The following LEKR1 variants were observed in gnomAD, a reference collection of about 807,000 sequenced individuals.
The protein encoded by LEKR1 is protein LEKR1.
In LEKR1, 59 loss-of-function variants were observed where a neutral mutation model predicts 72.4. The ratio of observed to expected loss-of-function variants is 0.82; its 90% CI spans 0.66 to 1.01. The LOEUF is 1.01. Among genes scored for constraint, LEKR1 ranks in the 50% least tolerant of loss-of-function variants. The probability of loss-of-function intolerance (pLI) is 0.00; values close to 1 mark genes in which losing one functional copy is unlikely to be tolerated. For missense variants in LEKR1, 728 were observed against 759.2 expected (o/e 0.96, Z 0.48); for synonymous variants, 257 against 263.2 (o/e 0.98, Z 0.23).
chr3:156,930,587 G>C (rs1424638472), intron 5 of LEKR1, among the ~76,000 whole-genome samples: 2 of 152,022 alleles, frequency 1.3e-5, no homozygotes, highest in Non-Finnish European at 1.5e-5. Context: ...ACAGAAACAT[G>C]TAGCTAAAAA....
chr3:156,876,445 G>T (rs1219644361), intron 3 of LEKR1, among the ~76,000 whole-genome samples: 1 of 152,050 alleles, frequency 6.6e-6, no homozygotes, highest in Non-Finnish European at 1.5e-5. Flanking sequence ...TCACAATATT[G>T]ATTCATCCAT....
intron 5 of LEKR1, among the ~76,000 whole-genome samples, chr3:156,941,438 T>A (rs904294618): frequency 1.1e-4 from 16 of 152,104 alleles, no homozygotes; most frequent in African/African-American, 3.9e-4. Context: ...TTACTTCTCC[T>A]ATAACCATTT....
intron 7 of LEKR1, chr3:156,988,202 C>A: frequency 5.1e-6 from 1 of 197,068 alleles, no homozygotes; most frequent in South Asian, 1.1e-4. Context: ...GCCTGCTTCT[C>A]AAAGCGCTGC....
intron 2 of LEKR1, among the ~76,000 whole-genome samples, chr3:156,841,485 G>A (rs1713898242): frequency 1.3e-5 from 2 of 152,220 alleles, no homozygotes; most frequent in Admixed American, 1.3e-4. Context: ...CATCCAGGCA[G>A]TACAGAGAAG....
chr3:157,015,054 A>C (rs1212552431), intron 10 of LEKR1, among the ~76,000 whole-genome samples: 1 of 152,226 alleles, frequency 6.6e-6, no homozygotes, highest in Non-Finnish European at 1.5e-5. Context: ...AGGCAATGAA[A>C]GACAGTGATT....
chr3:156,833,396 C>T (rs79306585), intron 2 of LEKR1, among the ~76,000 whole-genome samples: 1 of 152,270 alleles, frequency 6.6e-6, no homozygotes, highest in East Asian at 1.9e-4. Flanking sequence ...CTGTGGATGA[C>T]AAGAGGCTTA....
intron 10 of LEKR1, among the ~76,000 whole-genome samples, chr3:157,020,655 C>T (rs1733758362): frequency 6.6e-6 from 1 of 151,676 alleles, no homozygotes; most frequent in African/African-American, 2.4e-5. Flanking sequence ...ATATGTGCCA[C>T]ATTTTCTTAA....
chr3:157,031,318 A>G (rs759651899), intron 12 of LEKR1, among the ~76,000 whole-genome samples: 3 of 152,156 alleles, frequency 2.0e-5, no homozygotes, highest in Admixed American at 1.3e-4. Context: ...ATAAATGATC[A>G]CAGATCATTG....
intron 12 of LEKR1, among the ~76,000 whole-genome samples, chr3:157,044,093 C>T (rs1735569473): frequency 6.6e-6 from 1 of 152,180 alleles, no homozygotes; most frequent in African/African-American, 2.4e-5. Context: ...CTTCTGACAG[C>T]AGATTAGTCA....
At chr3:157,031,021 A>G (rs1326582111) in intron 12 of LEKR1, among the ~76,000 whole-genome samples, 1 of 152,164 alleles carries the variant, frequency 6.6e-6, no homozygotes, top group African/African-American at 2.4e-5. Context: ...ATTACAAATG[A>G]ATCAGTAAGT....
intron 1 of LEKR1, among the ~76,000 whole-genome samples, chr3:156,827,951 G>A (rs1711856244): frequency 6.6e-6 from 1 of 152,132 alleles, no homozygotes; most frequent in South Asian, 2.1e-4. Context: ...TTTACTGATG[G>A]CAAATCCACC....
intron 3 of LEKR1, among the ~76,000 whole-genome samples, chr3:156,881,160 CAGG>C (rs1719286461): frequency 6.6e-6 from 1 of 152,078 alleles, no homozygotes; most frequent in African/African-American, 2.4e-5. Context: ...GGCAATTAGG[CAGG>C]AGAAGGAAAT....
At chr3:157,041,872 T>C (rs1043565706) in intron 12 of LEKR1, among the ~76,000 whole-genome samples, 1 of 152,214 alleles carries the variant, frequency 6.6e-6, no homozygotes, top group Non-Finnish European at 1.5e-5. Flanking sequence ...CTTGACTAAA[T>C]TGCTGAAAAC....
intron 3 of LEKR1, among the ~76,000 whole-genome samples, chr3:156,897,808 C>G (rs556070604): frequency 1.4e-4 from 22 of 152,246 alleles, no homozygotes; most frequent in African/African-American, 5.1e-4. Context: ...CAAAAATTAG[C>G]TGGGCATGGT....
At chr3:156,973,774 G>A (rs1349014289) in intron 6 of LEKR1, among the ~76,000 whole-genome samples, 1 of 152,072 alleles carries the variant, frequency 6.6e-6, no homozygotes, top group Non-Finnish European at 1.5e-5. Flanking sequence ...AAGGTGAGGT[G>A]CTCAGCTCCA....
At chr3:156,988,161 CT>C in intron 7 of LEKR1, 1 of 176,614 alleles carries the variant, frequency 5.7e-6, no homozygotes, top group Middle Eastern at 1.2e-3. Context: ...ACCTCCATGC[CT>C]GCAGCCCATT....
chr3:156,862,533 A>C (rs1046166845), intron 3 of LEKR1, among the ~76,000 whole-genome samples: 1 of 152,064 alleles, frequency 6.6e-6, no homozygotes. Context: ...CAGGGATGAT[A>C]CACACATTAC....
intron 6 of LEKR1, among the ~76,000 whole-genome samples, chr3:156,944,378 C>T (rs1726499456): frequency 6.6e-6 from 1 of 151,688 alleles, no homozygotes; most frequent in Non-Finnish European, 1.5e-5. Flanking sequence ...AGGTGTCCTG[C>T]CTCAAGCATT....
intron 2 of LEKR1, among the ~76,000 whole-genome samples, chr3:156,848,210 A>T (rs189636960): frequency 3.3e-5 from 5 of 152,308 alleles, no homozygotes; most frequent in Non-Finnish European, 2.9e-5. Flanking sequence ...GACATGGATG[A>T]ATTATATTTC....
Sources: allele counts gnomAD v4.1 joint callset (sites outside exome capture counted in the v4.1 genomes callset), GRCh38; gene constraint gnomAD v4.1.1; transcripts MANE v1.5; gene names NCBI Gene and HGNC (gene_info 2026-07-23, HGNC 2026-07-21).